The following PACRG variants were observed in gnomAD, a reference collection of about 807,000 sequenced individuals.
PACRG encodes parkin coregulated gene protein.
A neutral mutation model predicts 29.7 loss-of-function variants in PACRG; 29 were observed. The ratio of observed to expected loss-of-function variants is 0.98; its 90% CI spans 0.73 to 1.33. PACRG has a LOEUF of 1.33. Among genes scored for constraint, PACRG ranks in the 40% most tolerant of loss-of-function variants. The pLI is 0.00. For synonymous variants in PACRG, 116 were observed against 118.7 expected (o/e 0.98, Z 0.15); for missense variants, 279 against 316.2 (o/e 0.88, Z 0.89).
chr6:163,030,179 G>T (rs559912541), intron 2 of PACRG, among the ~76,000 whole-genome samples: 41 of 150,054 alleles, frequency 2.7e-4, no homozygotes, highest in African/African-American at 9.4e-4. Flanking sequence ...AGTCACAAGG[G>T]CATCACTGGC....
At chr6:162,858,454 G>A (rs1328930593) in intron 2 of PACRG, among the ~76,000 whole-genome samples, 1 of 152,124 alleles carries the variant, frequency 6.6e-6, no homozygotes, top group Non-Finnish European at 1.5e-5. Context: ...AGATTTGGGT[G>A]GGGACACAGA....
At chr6:162,848,743 T>A (rs1562660373) in intron 2 of PACRG, among the ~76,000 whole-genome samples, 1 of 152,262 alleles carries the variant, frequency 6.6e-6, no homozygotes, top group East Asian at 1.9e-4. Flanking sequence ...GTGAAATCAA[T>A]TGGATAATAA....
In PACRG at chr6:163,130,773, G is replaced by C. The variant is rs550413337; in HGVS notation, c.613+41365G>C. On this transcript the variant is annotated intron_variant, in intron 4 of 4. Coordinates refer to ENST00000366888, the MANE Select transcript of PACRG (RefSeq NM_001080379.2). The stretch of plus-strand genomic sequence containing the variant: ...GACTGAGAGCACCTTTGCACTTAGC[G>C]GGTCCTTTGCCTGGGGTTGTGTCTG... Among the ~76,000 whole-genome samples the C allele has an allele frequency of 2.6e-3, 402 of 152,240 alleles. 3 individuals are homozygous for C. The highest frequency in any genetic ancestry group is 0.014 in the Middle Eastern group (4 of 294).
intron 4 of PACRG, among the ~76,000 whole-genome samples, chr6:163,150,114 C>A (rs1172427531): frequency 6.6e-6 from 1 of 152,228 alleles, no homozygotes; most frequent in Non-Finnish European, 1.5e-5. Flanking sequence ...CTTCCTGACG[C>A]CGGAGTGGCC....
chr6:162,792,151 TGAG>T (rs1396634044), intron 1 of PACRG, among the ~76,000 whole-genome samples: 1 of 152,110 alleles, frequency 6.6e-6, no homozygotes, highest in East Asian at 1.9e-4. Flanking sequence ...ATTGGGCTGC[TGAG>T]GCCTCAGCAT....
intron 4 of PACRG, chr6:163,191,982 AGTT>A (rs1020933732): frequency 1.3e-5 from 4 of 299,782 alleles, no homozygotes; most frequent in South Asian, 5.8e-5. Flanking sequence ...GCACCGGGGC[AGTT>A]GTTGTTGAAT....
chr6:163,118,171 A>T (rs1816102709), intron 4 of PACRG, among the ~76,000 whole-genome samples: 1 of 152,260 alleles, frequency 6.6e-6, no homozygotes, highest in Non-Finnish European at 1.5e-5. Flanking sequence ...TACACTGCAC[A>T]AGGAAGAGGA....
intron 4 of PACRG, among the ~76,000 whole-genome samples, chr6:163,197,030 G>A (rs1322343108): frequency 6.6e-6 from 1 of 151,910 alleles, no homozygotes; most frequent in African/African-American, 2.4e-5. Context: ...AATATATGAA[G>A]GAGGGAGAAA....
rs529316367 is a variant in PACRG at position 162,728,505 on chromosome 6, A to G, written c.156+114A>G. The G allele has an allele frequency of 5.4e-6, 7 of 1,301,758 alleles. No homozygotes were observed. The South Asian group carries it at 8.6e-5, about 16-fold the overall frequency. 80.6% of individuals were successfully genotyped at this position (1,301,758 alleles called of 1,614,324 possible). On this transcript the variant is annotated intron_variant, in intron 1 of 4. Transcript: ENST00000366888. The stretch of plus-strand genomic sequence containing the variant: ...AGCCATGTCCTGGGTGGTCTTTGCC[A>G]AAAAAGGCAGTTACTTGGCAAGTAG...
At chr6:162,900,327 T>G (rs1795470738) in intron 2 of PACRG, among the ~76,000 whole-genome samples, 1 of 152,206 alleles carries the variant, frequency 6.6e-6, no homozygotes, top group East Asian at 1.9e-4. Flanking sequence ...CCTCAAACTT[T>G]CCATATCCGT....
At chr6:162,947,613 TATA>T (rs1562767302) in intron 2 of PACRG, among the ~76,000 whole-genome samples, 1 of 14,914 alleles carries the variant, frequency 6.7e-5, no homozygotes, top group Non-Finnish European at 1.5e-4. Flanking sequence ...TATATAATCA[TATA>T]TATATATATA....
chr6:162,913,632 G>A (rs1164444373), intron 2 of PACRG, among the ~76,000 whole-genome samples: 8 of 152,142 alleles, frequency 5.3e-5, no homozygotes, highest in Admixed American at 5.2e-4. Context: ...CTAAGACATT[G>A]TCAAGTAAAT....
chr6:162,985,542 A>G (rs931791892), intron 2 of PACRG, among the ~76,000 whole-genome samples: 4 of 152,064 alleles, frequency 2.6e-5, no homozygotes, highest in African/African-American at 9.7e-5. Context: ...AAATCAGTAT[A>G]GAACAGACAT....
chr6:162,731,808 A>G (rs1003853677), intron 1 of PACRG, among the ~76,000 whole-genome samples: 1 of 152,172 alleles, frequency 6.6e-6, no homozygotes, highest in Non-Finnish European at 1.5e-5. Flanking sequence ...ATATTAAAAT[A>G]TTAATTTGGC....
chr6:163,292,573 G>GTTT (rs1562362950), intron 4 of PACRG, among the ~76,000 whole-genome samples: 1,251 of 59,730 alleles, frequency 0.021, 15 homozygotes, highest in African/African-American at 0.075. Context: ...GCTAATTTAT[G>GTTT]TATTATTTAT....
chr6:162,761,123 G>A (rs571912732), intron 1 of PACRG, among the ~76,000 whole-genome samples: 1 of 152,204 alleles, frequency 6.6e-6, no homozygotes, highest in Non-Finnish European at 1.5e-5. Flanking sequence ...CGCCTCGTGT[G>A]ATTAGATAGG....
At chr6:163,144,565 T>A (rs1237501008) in intron 4 of PACRG, among the ~76,000 whole-genome samples, 2 of 152,148 alleles carry the variant, frequency 1.3e-5, no homozygotes, top group African/African-American at 4.8e-5. Context: ...GGTCAGGAGT[T>A]CGAGACCAGC....
chr6:163,227,520 G>A (rs975287169), intron 4 of PACRG, among the ~76,000 whole-genome samples: 2 of 152,176 alleles, frequency 1.3e-5, no homozygotes, highest in African/African-American at 2.4e-5. Flanking sequence ...TATATGTAAC[G>A]GAAAGATAAC....
intron 4 of PACRG, among the ~76,000 whole-genome samples, chr6:163,223,840 C>T (rs1199527144): frequency 6.6e-6 from 1 of 152,158 alleles, no homozygotes; most frequent in Non-Finnish European, 1.5e-5. Flanking sequence ...AATTGAATTG[C>T]TTTTCTAAAC....
Sources: allele counts gnomAD v4.1 joint callset (sites outside exome capture counted in the v4.1 genomes callset), GRCh38; gene constraint gnomAD v4.1.1; transcripts MANE v1.5; gene names NCBI Gene and HGNC (gene_info 2026-07-23, HGNC 2026-07-21).